ITPR2: variants seen among roughly 807,000 people sequenced by gnomAD.
ITPR2 encodes inositol 1,4,5-trisphosphate receptor type 2, also known as inositol 1,4,5-trisphosphate-gated calcium channel ITPR2.
In ITPR2, 207 loss-of-function variants were observed where a neutral mutation model predicts 317.1. That is an observed-to-expected ratio of 0.65 (90% CI 0.58 to 0.73). ITPR2 has a LOEUF of 0.73. ITPR2 is among the 30% of genes least tolerant of loss of function. ITPR2 has a pLI of 0.00. For synonymous variants in ITPR2, 1,156 were observed against 1,149.1 expected, an observed-to-expected ratio of 1.01 and a Z score of -0.12; for missense variants, 2,613 against 3,284.0, an observed-to-expected ratio of 0.80 and a Z score of 4.99.
chr12:26,618,885 CTAAA>C (rs1709359940), intron 26 of ITPR2, among the ~76,000 whole-genome samples: 1 of 152,152 alleles, frequency 6.6e-6, no homozygotes, highest in Non-Finnish European at 1.5e-5. Context: ...ACAAAATAGG[CTAAA>C]TAAATATACC....
chr12:26,507,863 C>CTCTCTGTGTGTGTG (rs372756412), intron 37 of ITPR2, among the ~76,000 whole-genome samples: 2,512 of 132,184 alleles, frequency 0.019, 57 homozygotes, highest in African/African-American at 0.05. Context: ...CTCTCTGTCT[C>CTCTCTGTGTGTGTG]TGTGTGTGTG....
At chr12:26,418,559 A>AT (rs936292195) in intron 50 of ITPR2, among the ~76,000 whole-genome samples, 1 of 152,214 alleles carries the variant, frequency 6.6e-6, no homozygotes, top group Non-Finnish European at 1.5e-5. Flanking sequence ...ACCAAAAACT[A>AT]TAAGACTGTT....
chr12:26,780,362 G>A (rs1469383958), intron 2 of ITPR2, among the ~76,000 whole-genome samples: 1 of 152,168 alleles, frequency 6.6e-6, no homozygotes, highest in Admixed American at 6.5e-5. Flanking sequence ...ATATGGGTTT[G>A]CCTATCCTGC....
intron 39 of ITPR2, among the ~76,000 whole-genome samples, chr12:26,492,701 G>C (rs1048454384): frequency 1.3e-5 from 2 of 152,296 alleles, no homozygotes; most frequent in South Asian, 4.1e-4. Context: ...ATTGGTCAAA[G>C]AGTCCAGTTT....
chr12:26,707,319 C>T (rs1193103691), intron 9 of ITPR2, among the ~76,000 whole-genome samples: 1 of 152,186 alleles, frequency 6.6e-6, no homozygotes, highest in African/African-American at 2.4e-5. Context: ...CCCCACATCC[C>T]AATATGTGTC....
chr12:26,772,713 G>C (rs1170031504), intron 2 of ITPR2, among the ~76,000 whole-genome samples: 1 of 150,692 alleles, frequency 6.6e-6, no homozygotes, highest in African/African-American at 2.4e-5. Flanking sequence ...CGATAAATCT[G>C]CTAAATGTAT....
At chr12:26,788,227 G>A (rs769607299) in intron 2 of ITPR2, among the ~76,000 whole-genome samples, 1 of 152,148 alleles carries the variant, frequency 6.6e-6, no homozygotes, top group Non-Finnish European at 1.5e-5. Flanking sequence ...CGGCCCATTT[G>A]TTTAATGACT....
At chr12:26,431,013 C>T (rs1010517267) in intron 48 of ITPR2, among the ~76,000 whole-genome samples, 7 of 152,244 alleles carry the variant, frequency 4.6e-5, no homozygotes, top group South Asian at 2.1e-4. Context: ...TTCTTGGTCC[C>T]TTAACTGGAC....
intron 1 of ITPR2, among the ~76,000 whole-genome samples, chr12:26,813,686 G>C (rs533348513): frequency 1.3e-5 from 2 of 152,170 alleles, no homozygotes; most frequent in African/African-American, 4.8e-5. Context: ...GTTTAGACCA[G>C]ACCAGAGCTT....
intron 55 of ITPR2, among the ~76,000 whole-genome samples, chr12:26,377,305 T>C (rs1056589044): frequency 1.3e-5 from 2 of 152,204 alleles, no homozygotes; most frequent in African/African-American, 4.8e-5. Context: ...TTACCAAAGC[T>C]TCCCAAGGGA....
At chr12:26,374,196 G>A (rs1304908412) in intron 55 of ITPR2, among the ~76,000 whole-genome samples, 1 of 152,230 alleles carries the variant, frequency 6.6e-6, no homozygotes. Flanking sequence ...GTTAGACAAA[G>A]GAACAAATGC....
chr12:26,530,630 T>G (rs1323199259), intron 37 of ITPR2, among the ~76,000 whole-genome samples: 1 of 152,218 alleles, frequency 6.6e-6, no homozygotes, highest in Admixed American at 6.5e-5. Context: ...CTGCCTCGTG[T>G]AGGATTCTCT....
In ITPR2 at chr12:26,661,363, G is replaced by A. The variant is rs61374572; in HGVS notation, c.1714-2078C>T. 8.4e-3 allele frequency among the ~76,000 whole-genome samples: 1,258 copies of A among 150,658 alleles called. 19 individuals are homozygous for A. The highest frequency in any genetic ancestry group is 0.028 in the African/African-American group (1,169 of 41,018). On this transcript the variant is annotated intron_variant, in intron 15 of 56. Coordinates refer to ENST00000381340, the MANE Select transcript of ITPR2 (RefSeq NM_002223.4). Reference sequence around the variant, plus strand: ...GTGTGTACGCACACACTGATCCCTGGCCAAGACTGAGAGGGGAGTGAGAAA... The same window carrying A: ...GTGTGTACGCACACACTGATCCCTGACCAAGACTGAGAGGGGAGTGAGAAA...
intron 47 of ITPR2, among the ~76,000 whole-genome samples, chr12:26,437,935 G>A (rs894703791): frequency 6.6e-6 from 1 of 151,988 alleles, no homozygotes; most frequent in Non-Finnish European, 1.5e-5. Context: ...CCGAGTAGCT[G>A]GGACTACAGG....
chr12:26,820,170 TA>T (rs1171801686), intron 1 of ITPR2, among the ~76,000 whole-genome samples: 2 of 152,108 alleles, frequency 1.3e-5, no homozygotes, highest in African/African-American at 4.8e-5. Flanking sequence ...AACAGATTAT[TA>T]AAAGACTGAT....
intron 51 of ITPR2, among the ~76,000 whole-genome samples, chr12:26,414,180 T>C (rs1473778408): frequency 2.0e-5 from 3 of 152,060 alleles, no homozygotes; most frequent in East Asian, 1.9e-4. Flanking sequence ...AAATACTCTA[T>C]GTTCCTGTGA....
At chr12:26,570,152 G>C (rs1945121837) in intron 34 of ITPR2, among the ~76,000 whole-genome samples, 2 of 152,052 alleles carry the variant, frequency 1.3e-5, no homozygotes, top group Non-Finnish European at 2.9e-5. Context: ...AACAGGTAGG[G>C]GACTTACTTT....
intron 35 of ITPR2, 139 bp downstream of exon 35, chr12:26,561,623 G>A (rs780987459): frequency 5.4e-5 from 33 of 607,300 alleles, no homozygotes; most frequent in Admixed American, 7.7e-5. Context: ...AAAAAGAGCA[G>A]TGGTAGTAGA....
chr12:26,411,078 C>T (rs1329681816), intron 52 of ITPR2: 3 of 431,468 alleles, frequency 7.0e-6, no homozygotes, highest in Non-Finnish European at 1.3e-5. Context: ...CAGCACATAC[C>T]ACAGGGTAAA....
Sources: allele counts gnomAD v4.1 joint callset (sites outside exome capture counted in the v4.1 genomes callset), GRCh38; gene constraint gnomAD v4.1.1; transcripts MANE v1.5; gene names NCBI Gene and HGNC (gene_info 2026-07-23, HGNC 2026-07-21).